The following MED27 variants were observed in gnomAD, a reference collection of about 807,000 sequenced individuals.
The protein encoded by MED27 is mediator complex subunit 27.
A neutral mutation model predicts 38.2 loss-of-function variants in MED27; 30 were observed. The ratio of observed to expected loss-of-function variants is 0.79; its 90% CI spans 0.59 to 1.07. The LOEUF is 1.07. MED27 is among the 50% of genes least tolerant of loss of function. The pLI is 0.00. For missense variants in MED27, 289 were observed against 397.5 expected (o/e 0.73, Z 2.32); for synonymous variants, 122 against 153.5 (o/e 0.79, Z 1.52).
chr9:131,939,244 T>C (rs1830739719), intron 4 of MED27, 137 bp downstream of exon 4: 2 of 479,972 alleles, frequency 4.2e-6, no homozygotes, highest in Non-Finnish European at 7.1e-6. Context: ...AGAATGCCAG[T>C]AAAGAAACTA....
chr9:131,920,201 T>C (rs1325765155), intron 4 of MED27, among the ~76,000 whole-genome samples: 1 of 152,208 alleles, frequency 6.6e-6, no homozygotes, highest in Non-Finnish European at 1.5e-5. Context: ...CCACCCACCA[T>C]GACATAAACA....
At chr9:132,000,476 C>G (rs540007681) in intron 3 of MED27, among the ~76,000 whole-genome samples, 1 of 152,114 alleles carries the variant, frequency 6.6e-6, no homozygotes, top group South Asian at 2.1e-4. Flanking sequence ...ACACACCTAC[C>G]ATATGACCTA....
intron 4 of MED27, among the ~76,000 whole-genome samples, chr9:131,899,391 C>A (rs1176574673): frequency 1.3e-5 from 2 of 152,220 alleles, no homozygotes; most frequent in African/African-American, 4.8e-5. Context: ...GCCTGAGGGT[C>A]AGGCAGCCAG....
In MED27 at chr9:131,860,960, C is replaced by G. The variant is rs1838642556; in HGVS notation, c.802-288G>C. ...GAGTCCCCGTGAACCACCGAGCAGC[C>G]TGGTGGTCTGGGGGCCAGCACCCCA... On this transcript the variant is annotated intron_variant, in intron 7 of 7. Transcript: ENST00000292035. This position sits in a 1 kb window ranked among gnomAD's most constrained non-coding sequence, Gnocchi z 5.8. Among the ~76,000 whole-genome samples, 1 of 152,144 alleles carries G rather than the reference C, an allele frequency of 6.6e-6. No individual in the cohort carries two copies. Among genetic ancestry groups the G allele is most frequent in the African/African-American group, 2.4e-5 (1 of 41,420 alleles).
In MED27 at chr9:132,047,223, G is replaced by A. The variant is rs555396893; in HGVS notation, c.348+30219C>T. Among the ~76,000 whole-genome samples, 5 of 152,158 alleles carry A rather than the reference G, an allele frequency of 3.3e-5. No individual in the cohort carries two copies. The East Asian group carries it at 5.8e-4, about 18-fold the overall frequency. On this transcript the variant is annotated intron_variant, in intron 2 of 7. Transcript: ENST00000292035. Reference sequence around the variant, plus strand: ...GAAAATAACCACGTGGAATGTGAACGTGTATTCAGCAGCAAAGACAGAGGC... The same window carrying A: ...GAAAATAACCACGTGGAATGTGAACATGTATTCAGCAGCAAAGACAGAGGC...
At chr9:131,939,002 C>T (rs148129543) in intron 4 of MED27, among the ~76,000 whole-genome samples, 194 of 152,218 alleles carry the variant, frequency 1.3e-3, no homozygotes, top group African/African-American at 4.3e-3. Flanking sequence ...CGTGAGTCAC[C>T]GCGCCTGGCG....
At chr9:132,010,276 A>G (rs1000737985) in intron 3 of MED27, among the ~76,000 whole-genome samples, 3 of 152,238 alleles carry the variant, frequency 2.0e-5, no homozygotes, top group Non-Finnish European at 4.4e-5. Context: ...CAGACACATG[A>G]AAAAATGCTC....
chr9:132,069,661 T>C (rs1171773121), intron 2 of MED27, among the ~76,000 whole-genome samples: 1 of 152,304 alleles, frequency 6.6e-6, no homozygotes, highest in East Asian at 1.9e-4. Flanking sequence ...GGAAATACTC[T>C]CCATTCCTCG....
intron 3 of MED27, among the ~76,000 whole-genome samples, chr9:131,992,118 C>A (rs1437099712): frequency 1.3e-5 from 2 of 152,094 alleles, no homozygotes; most frequent in African/African-American, 4.8e-5. Flanking sequence ...CTTCATTGCC[C>A]AATTCCCATA....
chr9:132,014,865 G>A (rs1589266911), intron 2 of MED27, among the ~76,000 whole-genome samples: 1 of 152,172 alleles, frequency 6.6e-6, no homozygotes, highest in Admixed American at 6.5e-5. Context: ...TTTTTCAGTA[G>A]TAGAATTCGA....
At chr9:131,984,254 C>T (rs1385154981) in intron 3 of MED27, among the ~76,000 whole-genome samples, 2 of 152,184 alleles carry the variant, frequency 1.3e-5, no homozygotes, top group Admixed American at 1.3e-4. Flanking sequence ...GCACTAATCA[C>T]CTCCTCACAT....
chr9:131,933,616 T>C (rs183137709), intron 4 of MED27, among the ~76,000 whole-genome samples: 4 of 152,074 alleles, frequency 2.6e-5, no homozygotes, highest in Non-Finnish European at 5.9e-5. Context: ...TATAAAACAC[T>C]GATAGAAGAC....
intron 2 of MED27, among the ~76,000 whole-genome samples, chr9:132,031,507 G>A (rs1053600183): frequency 6.6e-6 from 1 of 152,128 alleles, no homozygotes; most frequent in African/African-American, 2.4e-5. Flanking sequence ...CAAGGAAAGA[G>A]CTAAAAGAGT....
intron 3 of MED27, among the ~76,000 whole-genome samples, chr9:131,985,087 C>T (rs1176906551): frequency 3.3e-5 from 5 of 151,882 alleles, no homozygotes; most frequent in Admixed American, 2.0e-4. Flanking sequence ...AGGTGTGTGG[C>T]CTAATTTGGT....
intron 2 of MED27, among the ~76,000 whole-genome samples, chr9:132,036,408 C>G (rs1466517907): frequency 1.3e-5 from 2 of 152,164 alleles, no homozygotes; most frequent in African/African-American, 4.8e-5. Context: ...TACTATGTTG[C>G]ACAGACTGGT....
At chr9:132,038,743 C>T (rs117763323) in intron 2 of MED27, among the ~76,000 whole-genome samples, 56 of 152,272 alleles carry the variant, frequency 3.7e-4, no homozygotes, top group Non-Finnish European at 6.2e-4. Flanking sequence ...AGAGTCAGCA[C>T]AGAAGCTCTA....
Position 132,051,967 on chromosome 9 carries a change from A to T in MED27, c.348+25475T>A, listed in dbSNP as rs1833474336. On this transcript the variant is annotated intron_variant, in intron 2 of 7. Coordinates refer to ENST00000292035, the MANE Select transcript of MED27 (RefSeq NM_004269.4). This position sits in a 1 kb window ranked among gnomAD's most constrained non-coding sequence, Gnocchi z 4.2. The stretch of plus-strand genomic sequence containing the variant: ...GATCAAAAGATGAATAAAACAAAAC[A>T]ACTGTGTTCCAGGAAAAAGGGCAAC... Among the ~76,000 whole-genome samples the T allele has an allele frequency of 6.6e-6, 1 of 152,248 alleles. No homozygotes were observed. Among genetic ancestry groups the T allele is most frequent in the Non-Finnish European group, 1.5e-5 (1 of 68,052 alleles).
intron 2 of MED27, among the ~76,000 whole-genome samples, chr9:132,068,137 C>T (rs373868456): frequency 2.0e-5 from 3 of 152,110 alleles, no homozygotes; most frequent in African/African-American, 4.8e-5. Flanking sequence ...ACGACAACAA[C>T]GGGCCTGTGC....
At position 132,070,359 on chromosome 9, in the gene MED27, C is replaced by G. The variant is rs138291605; in HGVS notation, c.348+7083G>C. Among the ~76,000 whole-genome samples the G allele has an allele frequency of 2.2e-4, 33 of 152,310 alleles. No homozygotes were observed. In the East Asian group the frequency reaches 6.4e-3, roughly 29 times the overall value. ...TGGCTTGAACCTAGGAGTTTGAAAC[C>G]AGCCTGGGCGACATAGTGAGACCCC... On this transcript the variant is annotated intron_variant, in intron 2 of 7. Coordinates refer to ENST00000292035, the MANE Select transcript of MED27 (RefSeq NM_004269.4).
Sources: allele counts gnomAD v4.1 joint callset (sites outside exome capture counted in the v4.1 genomes callset), GRCh38; gene constraint gnomAD v4.1.1; non-coding constraint Gnocchi (gnomAD v3.1); transcripts MANE v1.5; gene names NCBI Gene and HGNC (gene_info 2026-07-23, HGNC 2026-07-21).